ZNF438: variants seen among roughly 807,000 people sequenced by gnomAD.
ZNF438 encodes zinc finger protein 438.
Under a neutral mutation model 38.0 loss-of-function variants are expected in ZNF438, and 25 were observed. The observed-to-expected ratio is 0.66, with a 90% CI of 0.48 to 0.92. ZNF438 has a LOEUF of 0.92. Among genes scored for constraint, ZNF438 ranks in the 40% least tolerant of loss-of-function variants. The probability of loss-of-function intolerance (pLI) is 0.00; values close to 1 mark genes in which losing one functional copy is unlikely to be tolerated. For synonymous variants in ZNF438, 372 were observed against 364.1 expected (o/e 1.02, Z -0.25); for missense variants, 1,007 against 999.6 (o/e 1.01, Z -0.10).
chr10:30,927,684 C>T (rs1239277404), intron 2 of ZNF438, among the ~76,000 whole-genome samples: 3 of 152,292 alleles, frequency 2.0e-5, no homozygotes, highest in South Asian at 4.1e-4. Flanking sequence ...AAAATAAACC[C>T]GAAGGGTCTT....
chr10:30,895,444 A>G (rs977381835), intron 3 of ZNF438, among the ~76,000 whole-genome samples: 1 of 152,226 alleles, frequency 6.6e-6, no homozygotes, highest in Non-Finnish European at 1.5e-5. Flanking sequence ...AGATGAAAAG[A>G]TGGAAAGTAA....
Position 30,867,400 on chromosome 10 carries a change from AT to A in ZNF438, c.37+9597del, listed in dbSNP as rs147793975. ...TGTCATTAGTTTTATAGTATAGTCA[AT>A]TTCGTTAAACTAGGTTATTTTTGTT... On this transcript the variant is annotated intron_variant, in intron 4 of 5. Coordinates refer to ENST00000413025, the Ensembl canonical transcript of ZNF438. 1.7e-3 allele frequency among the ~76,000 whole-genome samples: 258 copies of A among 152,308 alleles called. 3 individuals are homozygous for A. The highest frequency in any genetic ancestry group is 5.5e-3 in the African/African-American group (228 of 41,572).
At chr10:30,933,529 G>A (rs2045914760) in intron 2 of ZNF438, among the ~76,000 whole-genome samples, 1 of 152,054 alleles carries the variant, frequency 6.6e-6, no homozygotes, top group East Asian at 1.9e-4. Flanking sequence ...GAGGTGGGAG[G>A]GTCGCTTGAG....
Position 30,849,400 on chromosome 10 carries a change from G to A in ZNF438, c.1005C>T (p.Gly335=), listed in dbSNP as rs552249136. The change falls in exon 5 of 6, where the codon GGC becomes GGT. Residue 335 remains glycine (G), a synonymous_variant. Coordinates refer to ENST00000413025, the Ensembl canonical transcript of ZNF438. The stretch of plus-strand genomic sequence containing the variant: ...TTGCCACCTTGGTGGCTGCATTAAA[G>A]CCTTCTGTGGTGGAGGGTATCTTAT... 5.6e-6 allele frequency: 9 copies of A among 1,614,228 alleles called. No individual in the cohort carries two copies. In the African/African-American group the frequency reaches 1.1e-4, roughly 19 times the overall value.
chr10:30,927,150 T>C (rs2135148790), intron 2 of ZNF438, among the ~76,000 whole-genome samples: 1 of 152,308 alleles, frequency 6.6e-6, no homozygotes, highest in East Asian at 1.9e-4. Context: ...GCCAGCCTGA[T>C]CCACACAGTC....
intron 1 of ZNF438, among the ~76,000 whole-genome samples, chr10:30,948,070 T>G (rs2047662649): frequency 6.6e-6 from 1 of 152,100 alleles, no homozygotes; most frequent in Admixed American, 6.6e-5. Flanking sequence ...GCAGACTGCC[T>G]CCTCAAGTGG....
chr10:30,981,721 CA>C (rs930982154), intron 1 of ZNF438, among the ~76,000 whole-genome samples: 2 of 151,468 alleles, frequency 1.3e-5, no homozygotes, highest in Non-Finnish European at 2.9e-5. Flanking sequence ...ACTAAAAATA[CA>C]AAAAAAATTA....
At chr10:30,920,419 T>C (rs1029634057) in intron 2 of ZNF438, 3 of 152,208 alleles carry the variant, frequency 2.0e-5, no homozygotes, top group Non-Finnish European at 4.4e-5. Context: ...ATGGTTGATC[T>C]TGGGCTAAAA....
At chr10:30,994,685 A>G (rs2053864956) in intron 1 of ZNF438, among the ~76,000 whole-genome samples, 1 of 152,182 alleles carries the variant, frequency 6.6e-6, no homozygotes, top group Non-Finnish European at 1.5e-5. Context: ...GTAACAGAAA[A>G]TGGACTAAAA....
At chr10:30,990,554 AG>A (rs1429221247) in intron 1 of ZNF438, among the ~76,000 whole-genome samples, 4 of 152,210 alleles carry the variant, frequency 2.6e-5, no homozygotes, top group African/African-American at 7.2e-5. Flanking sequence ...CAAGCCCACC[AG>A]GTGATTCAGA....
intron 2 of ZNF438, among the ~76,000 whole-genome samples, chr10:30,935,158 T>G (rs373146560): frequency 2.6e-5 from 4 of 152,380 alleles, no homozygotes; most frequent in African/African-American, 9.6e-5. Flanking sequence ...GCAGGTTTTA[T>G]CTCCATATTA....
chr10:30,921,704 T>C (rs563960808), intron 2 of ZNF438, among the ~76,000 whole-genome samples: 1 of 151,834 alleles, frequency 6.6e-6, no homozygotes, highest in South Asian at 2.1e-4. Flanking sequence ...ATGGATCTAC[T>C]TGGCCTGTCA....
intron 1 of ZNF438, among the ~76,000 whole-genome samples, chr10:30,986,322 G>T (rs1420348654): frequency 1.3e-5 from 2 of 152,062 alleles, no homozygotes; most frequent in African/African-American, 4.8e-5. Context: ...GCACTTAGGC[G>T]CAATATACAG....
intron 4 of ZNF438, among the ~76,000 whole-genome samples, chr10:30,861,881 C>A (rs10466049): frequency 0.38 from 57,026 of 152,046 alleles, 11,051 homozygotes; most frequent in Admixed American, 0.41. Context: ...TTACTCAAAT[C>A]TAAGAATGAC....
At chr10:30,924,838 T>C (rs750528034) in intron 2 of ZNF438, among the ~76,000 whole-genome samples, 1 of 152,118 alleles carries the variant, frequency 6.6e-6, no homozygotes, top group African/African-American at 2.4e-5. Flanking sequence ...AAAGAAAGTA[T>C]CAGTAGAAAA....
At chr10:30,882,313 A>C (rs2039372347) in intron 3 of ZNF438, among the ~76,000 whole-genome samples, 1 of 152,226 alleles carries the variant, frequency 6.6e-6, no homozygotes, top group Admixed American at 6.5e-5. Flanking sequence ...ATCACTGGTT[A>C]TTAAGAAAAG....
intron 3 of ZNF438, among the ~76,000 whole-genome samples, chr10:30,889,116 C>T (rs1017072825): frequency 1.3e-5 from 2 of 152,180 alleles, no homozygotes; most frequent in Non-Finnish European, 2.9e-5. Flanking sequence ...TAGTACTCAT[C>T]ATTTGCTCAA....
At chr10:30,944,322 G>A (rs1394158539) in intron 1 of ZNF438, among the ~76,000 whole-genome samples, 1 of 152,136 alleles carries the variant, frequency 6.6e-6, no homozygotes, top group Non-Finnish European at 1.5e-5. Flanking sequence ...GCAAAGCTAG[G>A]TGTACTCTTT....
chr10:31,004,973 A>G (rs2054986651), intron 1 of ZNF438, among the ~76,000 whole-genome samples: 1 of 152,208 alleles, frequency 6.6e-6, no homozygotes, highest in Non-Finnish European at 1.5e-5. Context: ...AGTGTTGGTG[A>G]TGGTGTGAAA....
Sources: allele counts gnomAD v4.1 joint callset (sites outside exome capture counted in the v4.1 genomes callset), GRCh38; gene constraint gnomAD v4.1.1; transcripts MANE v1.5; gene names NCBI Gene and HGNC (gene_info 2026-07-23, HGNC 2026-07-21).